KLHL22: variants seen among roughly 807,000 people sequenced by gnomAD.
KLHL22 encodes the protein kelch-like protein 22.
Under a neutral mutation model 60.7 loss-of-function variants are expected in KLHL22, and 18 were observed. The observed-to-expected ratio is 0.30, with a 90% CI of 0.20 to 0.44. The LOEUF (loss-of-function observed/expected upper bound fraction) is 0.44, where lower values mean the gene tolerates loss of function less well. KLHL22 is among the 20% of genes least tolerant of loss of function. The pLI is 1.00. For missense variants in KLHL22, 596 were observed against 852.3 expected (o/e 0.70, Z 3.74); for synonymous variants, 355 against 354.5 (o/e 1.00, Z -0.01).
rs746015574 is a variant in KLHL22, at chr22:20,465,336, C to T, written c.634G>A (p.Glu212Lys). Residue 212 changes from glutamate (E) to lysine (K), a missense_variant, in exon 4 of 7, where the codon GAG becomes AAG. Physicochemically the swap from Glu to Lys is moderately conservative, Grantham distance 56. Coordinates refer to ENST00000328879, the MANE Select transcript of KLHL22 (RefSeq NM_032775.4). This position sits in a 1 kb window ranked among gnomAD's most constrained non-coding sequence, Gnocchi z 4.9. ...TAGAGAAGGGCCCCCTCATATACCT[C>T]GGTCTCGCAGGAGACCTCCAGGCGA... Reference protein sequence around the residue: ...SNRLEVSCETEVYEGALLYHY... With the variant: ...SNRLEVSCETKVYEGALLYHY... 8 of 1,614,002 alleles carry T rather than the reference C, an allele frequency of 5.0e-6. No homozygotes were observed. Among genetic ancestry groups the T allele is most frequent in the Admixed American group, 1.7e-5 (1 of 60,010 alleles).
intron 2 of KLHL22, chr22:20,483,813 G>T: frequency 2.7e-6 from 2 of 740,802 alleles, no homozygotes; most frequent in Non-Finnish European, 2.5e-6. Flanking sequence ...CAGGCTCCTC[G>T]CTCTGTCCAG....
rs1163320170 is a variant in KLHL22 at position 20,442,322 on chromosome 22, G to C, written c.1656C>G (p.Arg552=). 1 of 1,613,888 alleles carries C rather than the reference G, an allele frequency of 6.2e-7. No individual in the cohort carries two copies. Among genetic ancestry groups the C allele is most frequent in the Non-Finnish European group, 8.5e-7 (1 of 1,180,044 alleles). The change falls in exon 7 of 7, where the codon CGC becomes CGG. Residue 552 remains arginine (R), a synonymous_variant. Coordinates refer to ENST00000328879, the MANE Select transcript of KLHL22 (RefSeq NM_032775.4). ...CTGTGCGGCTGCCGCGGTTGTGTGA[G>C]CGGCCACCTAACACATAGATCCTGT... is the stretch of plus-strand genomic sequence containing the variant. ...LDNRIYVLGG[R]SHNRGSRTGY...
At chr22:20,450,382 G>A (rs879787074) in intron 5 of KLHL22, 19 of 1,447,484 alleles carry the variant, frequency 1.3e-5, no homozygotes, top group Admixed American at 8.4e-5. Flanking sequence ...AAATTTTATT[G>A]GACTTTGTGT....
intron 5 of KLHL22, among the ~76,000 whole-genome samples, chr22:20,452,721 C>G (rs887224956): frequency 2.6e-5 from 4 of 152,184 alleles, no homozygotes; most frequent in Admixed American, 6.5e-5. Context: ...CAGTGTTAAC[C>G]TTGAATGGGG....
chr22:20,441,969 G>GGGCA lies in KLHL22; in HGVS notation c.*100_*103dup, dbSNP rs2052764927. The GGGCA allele has an allele frequency of 8.1e-7, 1 of 1,231,528 alleles. No individual in the cohort carries two copies. The allele number at this position is 1,231,528 out of a possible 1,614,324, so 76.3% of individuals were successfully genotyped here. ...AGGGCCCATAAGCTGTGGCCAACAG[G>GGGCA]GGCAGGGGCCCTGCCTGGAGTAAAG... On this transcript the variant is annotated 3_prime_UTR_variant, in exon 7 of 7. Coordinates refer to ENST00000328879, the MANE Select transcript of KLHL22 (RefSeq NM_032775.4).
At chr22:20,470,273 T>C (rs572079524) in intron 3 of KLHL22, among the ~76,000 whole-genome samples, 20 of 150,822 alleles carry the variant, frequency 1.3e-4, no homozygotes, top group Middle Eastern at 7.0e-3. Flanking sequence ...CACTTGAGCC[T>C]AGGAGGTGGA....
intron 5 of KLHL22, among the ~76,000 whole-genome samples, chr22:20,452,924 C>CT (rs2053002090): frequency 6.6e-6 from 1 of 152,168 alleles, no homozygotes; most frequent in African/African-American, 2.4e-5. Flanking sequence ...CTTTTTTCTG[C>CT]TATAAGTTTT....
At position 20,446,466 on chromosome 22, in the gene KLHL22, C is replaced by T. The variant is rs1344168429; in HGVS notation, c.1516G>A (p.Gly506Arg). ...YVIGGSNNDA[G>R]YRRDVHQVAC... The stretch of plus-strand genomic sequence containing the variant: ...ACCTGGTGCACGTCCCTCCTGTATC[C>T]GGCATCGTTGTTGCTGCCCCCGATC... The change falls in exon 6 of 7, where the codon GGA becomes AGA. Residue 506 changes from glycine to arginine, a missense_variant. Transcript: ENST00000328879. 5.6e-6 allele frequency: 9 copies of T among 1,609,892 alleles called. No homozygotes were observed. Among genetic ancestry groups the T allele is most frequent in the East Asian group, 2.2e-5 (1 of 44,858 alleles).
At chr22:20,494,653 A>T (rs1020043902) in intron 1 of KLHL22, among the ~76,000 whole-genome samples, 8 of 152,182 alleles carry the variant, frequency 5.3e-5, no homozygotes, top group African/African-American at 1.9e-4. Flanking sequence ...CTGGGATTAC[A>T]GGCATGAGCC....
chr22:20,470,607 C>T (rs1353162164), intron 3 of KLHL22, among the ~76,000 whole-genome samples: 1 of 152,132 alleles, frequency 6.6e-6, no homozygotes, highest in Non-Finnish European at 1.5e-5. Flanking sequence ...TGTGATCGTG[C>T]CACTGCACTC....
chr22:20,452,557 G>A (rs2052996520), intron 5 of KLHL22, among the ~76,000 whole-genome samples: 2 of 152,162 alleles, frequency 1.3e-5, no homozygotes, highest in Non-Finnish European at 2.9e-5. Context: ...TTTCCCCAAG[G>A]TCTTTCACAC....
intron 4 of KLHL22, among the ~76,000 whole-genome samples, chr22:20,459,931 G>C (rs954726736): frequency 1.3e-5 from 2 of 152,196 alleles, no homozygotes; most frequent in Non-Finnish European, 2.9e-5. Context: ...GCTGGTCAGC[G>C]GGGCCTGGGG....
chr22:20,469,988 T>G lies in KLHL22; in HGVS notation c.393+1362A>C, dbSNP rs188264870. On this transcript the variant is annotated intron_variant, in intron 3 of 6. Transcript: ENST00000328879. ...TGAGAATAATCATCCAAAACATAAGTCACACTGTCAAAGCCTCAGAAAACT... is the reference window on the plus strand; with the variant it reads ...TGAGAATAATCATCCAAAACATAAGGCACACTGTCAAAGCCTCAGAAAACT... Among the ~76,000 whole-genome samples, 347 of 151,876 alleles carry G rather than the reference T, an allele frequency of 2.3e-3. 3 individuals are homozygous for G. The highest frequency in any genetic ancestry group is 8.1e-3 in the African/African-American group (334 of 41,430).
chr22:20,446,507 A>T lies in KLHL22; in HGVS notation c.1475T>A (p.Leu492His), dbSNP rs2052864094. 6.2e-7 allele frequency: 1 copy of T among 1,613,222 alleles called. No individual in the cohort carries two copies. The highest frequency in any genetic ancestry group is 8.5e-7 in the Non-Finnish European group (1 of 1,180,018). ...GCCCCCGATCACATACAGCTTGTTG[A>T]GGAGGGTTGCCATGCCGTGCCAGGC... ...RRAWHGMATL[L>H]NKLYVIGGSN... Residue 492 changes from leucine to histidine, a missense_variant, in exon 6 of 7, where the codon CTC becomes CAC. By Grantham distance (99) the Leu-to-His change is moderately conservative. Coordinates refer to ENST00000328879, the MANE Select transcript of KLHL22 (RefSeq NM_032775.4).
intron 2 of KLHL22, among the ~76,000 whole-genome samples, chr22:20,481,699 G>A (rs779231595): frequency 3.9e-5 from 6 of 152,224 alleles, no homozygotes; most frequent in Non-Finnish European, 8.8e-5. Context: ...CAACCTCCAG[G>A]CTCAAGCAAT....
intron 2 of KLHL22, chr22:20,483,099 G>T (rs918009358): frequency 2.0e-5 from 13 of 650,000 alleles, no homozygotes; most frequent in Non-Finnish European, 3.4e-5. Flanking sequence ...CCATTGAGCT[G>T]CTCCATCTAC....
At chr22:20,475,933 C>T (rs370399415) in intron 2 of KLHL22, among the ~76,000 whole-genome samples, 51 of 152,250 alleles carry the variant, frequency 3.3e-4, no homozygotes, top group African/African-American at 1.0e-3. Context: ...CTTTTGTTTT[C>T]GACAATTTCC....
chr22:20,458,853 C>G (rs1050930325), intron 4 of KLHL22, among the ~76,000 whole-genome samples: 1 of 152,216 alleles, frequency 6.6e-6, no homozygotes, highest in African/African-American at 2.4e-5. Context: ...AGGTCTCCCT[C>G]TCTGGGAAAG....
At chr22:20,461,263 T>A (rs2053149744) in intron 4 of KLHL22, among the ~76,000 whole-genome samples, 1 of 152,170 alleles carries the variant, frequency 6.6e-6, no homozygotes, top group South Asian at 2.1e-4. Context: ...GTTAAATTCA[T>A]TAGACTGTGG....
Sources: allele counts gnomAD v4.1 joint callset (sites outside exome capture counted in the v4.1 genomes callset), GRCh38; gene constraint gnomAD v4.1.1; non-coding constraint Gnocchi (gnomAD v3.1); transcripts MANE v1.5; gene names NCBI Gene and HGNC (gene_info 2026-07-23, HGNC 2026-07-21).